SEMA6D: variants seen among roughly 807,000 people sequenced by gnomAD.
SEMA6D encodes the protein semaphorin-6D.
SEMA6D carries 35 observed loss-of-function variants against 106.6 expected under a neutral mutation model. The observed-to-expected ratio is 0.33, with a 90% CI of 0.25 to 0.44. The LOEUF is 0.44. Among genes scored for constraint, SEMA6D ranks in the 20% least tolerant of loss-of-function variants. The probability of loss-of-function intolerance (pLI) is 1.00; values close to 1 mark genes in which losing one functional copy is unlikely to be tolerated. For synonymous variants in SEMA6D, 499 were observed against 487.7 expected (o/e 1.02, Z -0.31); for missense variants, 1,185 against 1,345.9 (o/e 0.88, Z 1.87).
chr15:47,628,085 C>G (rs1024625281), intron 4 of SEMA6D, among the ~76,000 whole-genome samples: 1 of 152,008 alleles, frequency 6.6e-6, no homozygotes, highest in Non-Finnish European at 1.5e-5. Flanking sequence ...ATCCCACACA[C>G]TAGATTACAT....
At chr15:47,321,315 G>A (rs1336682413) in intron 1 of SEMA6D, among the ~76,000 whole-genome samples, 3 of 152,084 alleles carry the variant, frequency 2.0e-5, no homozygotes, top group Non-Finnish European at 4.4e-5. Flanking sequence ...TCCCCAGAAA[G>A]GAACACAGTG....
chr15:47,412,224 AAAAG>A (rs920322929), intron 1 of SEMA6D, among the ~76,000 whole-genome samples: 1 of 152,154 alleles, frequency 6.6e-6, no homozygotes, highest in African/African-American at 2.4e-5. Flanking sequence ...AGAGGAAAAA[AAAAG>A]AAAATCCACT....
At chr15:47,619,465 A>C (rs1596462778) in intron 4 of SEMA6D, among the ~76,000 whole-genome samples, 1 of 152,316 alleles carries the variant, frequency 6.6e-6, no homozygotes, top group East Asian at 1.9e-4. Flanking sequence ...TTGGTCCTAG[A>C]TAAAATAAGT....
At position 47,761,829 on chromosome 15, in the gene SEMA6D, G is replaced by A. The variant is rs138260283; in HGVS notation, c.538+78G>A. On this transcript the variant is annotated intron_variant, in intron 7 of 18. Transcript: ENST00000536845. ...AAAGGAATTTAATGGAAGAGTAAAA[G>A]TTAATAACTTGGATACCCACCTTGA... 5.6e-5 allele frequency: 70 copies of A among 1,241,222 alleles called. No homozygotes were observed. In the Admixed American group the frequency reaches 1.4e-3, roughly 25 times the overall value. The allele number at this position is 1,241,222 out of a possible 1,614,324, so 76.9% of individuals were successfully genotyped here. A position where few individuals can be genotyped will look rare whatever the true frequency, so the allele number is the denominator to read the frequency against.
chr15:47,497,710 CAT>C (rs892203175), intron 3 of SEMA6D, among the ~76,000 whole-genome samples: 3 of 152,114 alleles, frequency 2.0e-5, no homozygotes, highest in Admixed American at 6.6e-5. Context: ...TCTTGACCAA[CAT>C]GTGTAAAATC....
rs1331529079 is a variant in SEMA6D, at chr15:47,764,940, A to G, written c.1311A>G (p.Thr437=). ...DHSAGPYQNY[T]VIFVGSEAGM... Reference sequence around the variant, plus strand: ...CAGCCGGACCCTACCAGAACTACACAGTCATCTTTGTTGGCTCTGAAGCTG... The same window carrying G: ...CAGCCGGACCCTACCAGAACTACACGGTCATCTTTGTTGGCTCTGAAGCTG... Residue 437 remains threonine, a synonymous_variant, in exon 13 of 19, where the codon ACA becomes ACG. Coordinates refer to ENST00000536845, the MANE Select transcript of SEMA6D (RefSeq NM_001358351.3). The G allele has an allele frequency of 1.2e-6, 2 of 1,613,940 alleles. No individual in the cohort carries two copies. Among genetic ancestry groups the G allele is most frequent in the East Asian group, 2.2e-5 (1 of 44,840 alleles).
At chr15:47,618,314 C>G (rs768702840) in intron 4 of SEMA6D, among the ~76,000 whole-genome samples, 1 of 152,184 alleles carries the variant, frequency 6.6e-6, no homozygotes, top group African/African-American at 2.4e-5. Context: ...GAGGTTTTTG[C>G]CTGACCTAGG....
Position 47,535,228 on chromosome 15 carries a change from T to C in SEMA6D, c.-87+64683T>C, listed in dbSNP as rs538736256. On this transcript the variant is annotated intron_variant, in intron 3 of 19. Coordinates refer to the SEMA6D transcript ENST00000558014. ...CTTATGCTTATGTGATGCTTACTTA[T>C]GTGTACCCGGTGCTGCTCTAAGTGT... 3.9e-5 allele frequency among the ~76,000 whole-genome samples: 6 copies of C among 152,296 alleles called. No homozygotes were observed. In the South Asian group the frequency reaches 1.2e-3, roughly 32 times the overall value.
chr15:47,287,448 A>G (rs945079564), intron 1 of SEMA6D, among the ~76,000 whole-genome samples: 1 of 152,160 alleles, frequency 6.6e-6, no homozygotes, highest in Non-Finnish European at 1.5e-5. Context: ...TGAGCGCCCT[A>G]GATTCTAATA....
At chr15:47,476,726 C>T (rs1252763741) in intron 3 of SEMA6D, among the ~76,000 whole-genome samples, 1 of 152,124 alleles carries the variant, frequency 6.6e-6, no homozygotes, top group Non-Finnish European at 1.5e-5. Flanking sequence ...TTGTTTGTTT[C>T]TCCCATGAAC....
At chr15:47,690,205 G>A (rs543908260) in intron 4 of SEMA6D, among the ~76,000 whole-genome samples, 3 of 152,292 alleles carry the variant, frequency 2.0e-5, no homozygotes, top group Admixed American at 6.5e-5. Context: ...GCCTCAAAAC[G>A]TAAGTGATTC....
intron 3 of SEMA6D, among the ~76,000 whole-genome samples, chr15:47,545,690 G>A (rs570726231): frequency 7.2e-5 from 11 of 152,156 alleles, no homozygotes; most frequent in East Asian, 5.8e-4. Context: ...AAATATATGC[G>A]TTTCCCTCAT....
intron 1 of SEMA6D, among the ~76,000 whole-genome samples, chr15:47,756,393 T>A (rs1330270713): frequency 6.6e-6 from 1 of 152,208 alleles, no homozygotes; most frequent in East Asian, 1.9e-4. Flanking sequence ...CATGATGATA[T>A]TCGTTAAAAT....
chr15:47,757,727 G>A (rs951640047), intron 1 of SEMA6D, among the ~76,000 whole-genome samples: 3 of 152,134 alleles, frequency 2.0e-5, no homozygotes, highest in Admixed American at 1.3e-4. Flanking sequence ...GTAACTAGTT[G>A]TGAAAAATAA....
chr15:47,506,880 AC>A (rs1346443703), intron 3 of SEMA6D, among the ~76,000 whole-genome samples: 1 of 152,170 alleles, frequency 6.6e-6, no homozygotes, highest in Non-Finnish European at 1.5e-5. Context: ...GACTGCAACA[AC>A]AATAGCTACA....
At chr15:47,221,301 C>T (rs372680455) in intron 1 of SEMA6D, among the ~76,000 whole-genome samples, 37 of 152,354 alleles carry the variant, frequency 2.4e-4, no homozygotes, top group African/African-American at 8.7e-4. Flanking sequence ...CCCCATGGCT[C>T]CAGCTCCCCC....
rs2034178153 is a variant in SEMA6D at position 47,263,588 on chromosome 15, C to G, written c.-239+79170C>G. Among the ~76,000 whole-genome samples, 3 of 152,118 alleles carry G rather than the reference C, an allele frequency of 2.0e-5. No homozygotes were observed. The South Asian group carries it at 6.2e-4, about 32-fold the overall frequency. ...TTGTGGAGAAAAAGGAGCACGTATA[C>G]ACTGCTGGTGAGAGTGTAAATTAGT... On this transcript the variant is annotated intron_variant, in intron 1 of 19. Transcript: ENST00000558014.
Position 47,772,357 on chromosome 15 carries a change from C to CGT in SEMA6D, c.*605_*606dup, listed in dbSNP as rs71432251. 35,275 of 141,450 alleles carry CGT rather than the reference C, an allele frequency of 0.25. 4,762 individuals are homozygous for CGT. Among genetic ancestry groups the CGT allele is most frequent in the Middle Eastern group, 0.35 (94 of 268 alleles). 8.8% of individuals were successfully genotyped at this position (141,450 alleles called of 1,614,324 possible). A position where few individuals can be genotyped will look rare whatever the true frequency, so the allele number is the denominator to read the frequency against. Reference sequence around the variant, plus strand: ...CACCAACAAACTTGTTGTGTGTGTGCGTGTGTGTGTGTGTGTGTGTGTGTG... The same window carrying CGT: ...CACCAACAAACTTGTTGTGTGTGTGCGTGTGTGTGTGTGTGTGTGTGTGTGTG... On this transcript the variant is annotated 3_prime_UTR_variant, in exon 19 of 19. Coordinates refer to ENST00000536845, the MANE Select transcript of SEMA6D (RefSeq NM_001358351.3).
chr15:47,559,560 T>C (rs955136985), intron 3 of SEMA6D, among the ~76,000 whole-genome samples: 2 of 152,018 alleles, frequency 1.3e-5, no homozygotes, highest in African/African-American at 4.8e-5. Context: ...AGGTCTAGGG[T>C]CTCCACTGAT....
Sources: allele counts gnomAD v4.1 joint callset (sites outside exome capture counted in the v4.1 genomes callset), GRCh38; gene constraint gnomAD v4.1.1; transcripts MANE v1.5; gene names NCBI Gene and HGNC (gene_info 2026-07-23, HGNC 2026-07-21).